The following SLC35B3 variants were observed in gnomAD, a reference collection of about 807,000 sequenced individuals.
SLC35B3 encodes solute carrier family 35 member B3, also known as adenosine 3'-phospho 5'-phosphosulfate transporter 2.
In SLC35B3, 35 loss-of-function variants were observed where a neutral mutation model predicts 44.1. That is an observed-to-expected ratio of 0.79 (90% CI 0.61 to 1.05). SLC35B3 has a LOEUF of 1.05. Ranked by LOEUF, SLC35B3 falls within the 50% of genes least tolerant of loss-of-function variation. SLC35B3 has a pLI of 0.00. For synonymous variants in SLC35B3, 146 were observed against 167.3 expected, an observed-to-expected ratio of 0.87 and a Z score of 0.98; for missense variants, 414 against 476.4, an observed-to-expected ratio of 0.87 and a Z score of 1.22.
Position 8,422,486 on chromosome 6 carries a change from T to G in SLC35B3, c.558A>C (p.Gly186=). 2 of 1,613,058 alleles carry G rather than the reference T, an allele frequency of 1.2e-6. No individual in the cohort carries two copies. Among genetic ancestry groups the G allele is most frequent in the Non-Finnish European group, 1.7e-6 (2 of 1,179,312 alleles). ...TTACTATACCTTGAATAAAAACTCCTCCTAGCATAACAGGAATCAATTTGC... is the reference window on the plus strand; with the variant it reads ...TTACTATACCTTGAATAAAAACTCCGCCTAGCATAACAGGAATCAATTTGC... Residue 186 remains glycine, a synonymous_variant, in exon 5 of 11, where the codon GGA becomes GGC. Transcript: ENST00000644923.
rs1764255649 is a variant in SLC35B3 at position 8,434,131 on chromosome 6, G to T, written c.3+254C>A. On this transcript the variant is annotated intron_variant, in intron 2 of 10. Coordinates refer to ENST00000644923, the MANE Select transcript of SLC35B3 (RefSeq NM_001370476.2). The surrounding 1 kb of genome is among the most constrained non-coding windows in gnomAD (Gnocchi z 6.3). Reference sequence around the variant, plus strand: ...ATATTCAACTTCAACTGCTAAAATGGAATAAAAAGGTAGCATTTCCGGCAT... The same window carrying T: ...ATATTCAACTTCAACTGCTAAAATGTAATAAAAAGGTAGCATTTCCGGCAT... Among the ~76,000 whole-genome samples the T allele has an allele frequency of 6.6e-6, 1 of 151,468 alleles. No individual in the cohort carries two copies. Among genetic ancestry groups the T allele is most frequent in the Non-Finnish European group, 1.5e-5 (1 of 67,938 alleles).
chr6:8,427,116 C>T lies in SLC35B3; in HGVS notation c.419+821G>A, dbSNP rs1452739194. On this transcript the variant is annotated intron_variant, in intron 4 of 10. Transcript: ENST00000644923. ...CTGTTGAAAGCATTCCATTTTAAAA[C>T]GGAAACAGAGGAAAACGGTTCAGAA... 3.3e-5 allele frequency among the ~76,000 whole-genome samples: 5 copies of T among 152,086 alleles called. 1 individual carries two copies. Among genetic ancestry groups the T allele is most frequent in the Admixed American group, 1.3e-4 (2 of 15,260 alleles).
At position 8,422,730 on chromosome 6, in the gene SLC35B3, G is replaced by A. The variant is rs566643747; in HGVS notation, c.420-106C>T. On this transcript the variant is annotated intron_variant, in intron 4 of 10. Coordinates refer to ENST00000644923, the MANE Select transcript of SLC35B3 (RefSeq NM_001370476.2). ...TGTCTAATTACTTTTCTAATTTCTGGTTACTATTTCTGGAAATATCAGTAA... is the reference window on the plus strand; with the variant it reads ...TGTCTAATTACTTTTCTAATTTCTGATTACTATTTCTGGAAATATCAGTAA... 5.4e-5 allele frequency: 47 copies of A among 864,260 alleles called. No homozygotes were observed. In the Admixed American group the frequency reaches 1.2e-3, roughly 22 times the overall value. 53.5% of individuals were successfully genotyped at this position (864,260 alleles called of 1,614,324 possible).
Position 8,419,688 on chromosome 6 carries a change from G to A in SLC35B3, c.683-11C>T. The A allele has an allele frequency of 7.0e-7, 1 of 1,423,296 alleles. No individual in the cohort carries two copies. 88.2% of individuals were successfully genotyped at this position (1,423,296 alleles called of 1,614,324 possible). On this transcript the variant is annotated splice_polypyrimidine_tract_variant and intron_variant, in intron 6 of 10. Transcript: ENST00000644923. The surrounding 1 kb of genome is among the most constrained non-coding windows in gnomAD (Gnocchi z 4.3). ...AAATAAGCACCACACCTTCAAGAAG[G>A]TATTAAAAAAACAAACAAAAAAACC... is the stretch of plus-strand genomic sequence containing the variant.
At chr6:8,427,009 G>C (rs1414924580) in intron 4 of SLC35B3, among the ~76,000 whole-genome samples, 4 of 152,206 alleles carry the variant, frequency 2.6e-5, no homozygotes, top group African/African-American at 9.7e-5. Context: ...CTGCCCTAGA[G>C]ATCTATGGAA....
Position 8,413,422 on chromosome 6 carries a change from T to C in SLC35B3, c.*127A>G. The C allele has an allele frequency of 1.3e-6, 1 of 792,816 alleles. No individual in the cohort carries two copies. The highest frequency in any genetic ancestry group is 1.9e-6 in the Non-Finnish European group (1 of 528,128). 49.1% of individuals were successfully genotyped at this position (792,816 alleles called of 1,614,324 possible). On this transcript the variant is annotated 3_prime_UTR_variant, in exon 11 of 11. Transcript: ENST00000644923. ...AGGCTGACACCGCAAAACAACTTCATATGAAATCTGTCCACAAATGGGATA... is the reference window on the plus strand; with the variant it reads ...AGGCTGACACCGCAAAACAACTTCACATGAAATCTGTCCACAAATGGGATA...
chr6:8,427,414 G>C (rs1191597009), intron 4 of SLC35B3, among the ~76,000 whole-genome samples: 1 of 152,214 alleles, frequency 6.6e-6, no homozygotes. Context: ...AGCTGTCCCA[G>C]AGCTGGTCAT....
intron 3 of SLC35B3, 124 bp downstream of exon 2, chr6:8,429,740 A>G (rs932091992): frequency 1.5e-6 from 1 of 685,406 alleles, no homozygotes; most frequent in African/African-American, 1.8e-5. Context: ...CTATACTAAA[A>G]AATTCAAATT....
Position 8,420,805 on chromosome 6 carries a change from C to A in SLC35B3, c.598G>T (p.Val200Leu). 6.2e-7 allele frequency: 1 copy of A among 1,612,058 alleles called. No homozygotes were observed. Among genetic ancestry groups the A allele is most frequent in the Non-Finnish European group, 8.5e-7 (1 of 1,178,508 alleles). Residue 200 changes from valine to leucine, a missense_variant, in exon 6 of 11, where the codon GTG becomes TTG. Physicochemically the swap from Val to Leu is conservative, Grantham distance 32. Transcript: ENST00000644923. This position sits in a 1 kb window ranked among gnomAD's most constrained non-coding sequence, Gnocchi z 4.4. Reference sequence around the variant, plus strand: ...AGGCTCATACATATGGCAGCAGACACATCTGCAACATTATAACGCTTTCCT... The same window carrying A: ...AGGCTCATACATATGGCAGCAGACAAATCTGCAACATTATAACGCTTTCCT...
rs1376321341 is a variant in SLC35B3, at chr6:8,435,459, C to T, written c.-160G>A. The T allele has an allele frequency of 2.6e-6, 3 of 1,171,194 alleles. No individual in the cohort carries two copies. The highest frequency in any genetic ancestry group is 3.1e-5 in the African/African-American group (2 of 63,504). 72.6% of individuals were successfully genotyped at this position (1,171,194 alleles called of 1,614,324 possible). On this transcript the variant is annotated 5_prime_UTR_variant, in exon 1 of 11. Coordinates refer to ENST00000644923, the MANE Select transcript of SLC35B3 (RefSeq NM_001370476.2). This position sits in a 1 kb window ranked among gnomAD's most constrained non-coding sequence, Gnocchi z 5.5. ...ATCACCTCCTCTTCCTCCTCCTCCTCGCCCACTCCTGCACTTTCCACCGCG... is the reference window on the plus strand; with the variant it reads ...ATCACCTCCTCTTCCTCCTCCTCCTTGCCCACTCCTGCACTTTCCACCGCG...
At chr6:8,431,663 T>C (rs1021394590) in intron 2 of SLC35B3, among the ~76,000 whole-genome samples, 1 of 152,240 alleles carries the variant, frequency 6.6e-6, no homozygotes, top group Non-Finnish European at 1.5e-5. Context: ...TGTAAGACTT[T>C]TTATGTAATC....
chr6:8,428,573 T>C (rs539292987), intron 3 of SLC35B3, among the ~76,000 whole-genome samples: 1 of 152,294 alleles, frequency 6.6e-6, no homozygotes, highest in South Asian at 2.1e-4. Context: ...GGTTAAGTTA[T>C]AAATACAATT....
chr6:8,434,649 C>G lies in SLC35B3; in HGVS notation c.-43-219G>C, dbSNP rs1764313643. On this transcript the variant is annotated intron_variant, in intron 1 of 10. Transcript: ENST00000644923. This position sits in a 1 kb window ranked among gnomAD's most constrained non-coding sequence, Gnocchi z 6.3. The stretch of plus-strand genomic sequence containing the variant: ...TGAAATGCTGCCTCTCTTCCAAGTT[C>G]CAAACTATCTCAATTCACTTAGAAA... Among the ~76,000 whole-genome samples the G allele has an allele frequency of 6.6e-6, 1 of 152,176 alleles. No individual in the cohort carries two copies. The highest frequency in any genetic ancestry group is 1.5e-5 in the Non-Finnish European group (1 of 67,996).
rs1357633212 is a variant in SLC35B3 at position 8,432,475 on chromosome 6, T to C, written c.3+1910A>G. On this transcript the variant is annotated intron_variant, in intron 2 of 10. Transcript: ENST00000644923. The surrounding 1 kb of genome is among the most constrained non-coding windows in gnomAD (Gnocchi z 4.8). ...TAGTAAACTGCCAAGCATATTGTAA[T>C]GACTCAATACAATTATAGGTAATAG... Among the ~76,000 whole-genome samples the C allele has an allele frequency of 6.6e-6, 1 of 152,116 alleles. No homozygotes were observed. Among genetic ancestry groups the C allele is most frequent in the Non-Finnish European group, 1.5e-5 (1 of 68,022 alleles).
Position 8,419,678 on chromosome 6 carries a change from C to A in SLC35B3, c.683-1G>T. ...AGTGCCAGGGAAATAAGCACCACAC[C>A]TTCAAGAAGGTATTAAAAAAACAAA... On this transcript the variant is annotated splice_acceptor_variant, in intron 6 of 10. Transcript: ENST00000644923. LOFTEE classifies it high-confidence loss of function. This position sits in a 1 kb window ranked among gnomAD's most constrained non-coding sequence, Gnocchi z 4.3. 6.8e-7 allele frequency: 1 copy of A among 1,478,296 alleles called. No homozygotes were observed. 91.6% of individuals were successfully genotyped at this position (1,478,296 alleles called of 1,614,324 possible).
At position 8,420,895 on chromosome 6, in the gene SLC35B3, G is replaced by T; in HGVS notation, c.575-67C>A. 3.3e-6 allele frequency: 4 copies of T among 1,213,024 alleles called. No individual in the cohort carries two copies. The highest frequency in any genetic ancestry group is 4.7e-6 in the Non-Finnish European group (4 of 848,604). The allele number at this position is 1,213,024 out of a possible 1,614,324, so 75.1% of individuals were successfully genotyped here. A position where few individuals can be genotyped will look rare whatever the true frequency, so the allele number is the denominator to read the frequency against. ...CCACCCAGCTTTATATTTGCTCTAT[G>T]TGTTAAGTAGAACATGGATTTGTTT... is the stretch of plus-strand genomic sequence containing the variant. On this transcript the variant is annotated intron_variant, in intron 5 of 10. Coordinates refer to ENST00000644923, the MANE Select transcript of SLC35B3 (RefSeq NM_001370476.2). This position sits in a 1 kb window ranked among gnomAD's most constrained non-coding sequence, Gnocchi z 4.4.
Position 8,414,946 on chromosome 6 carries a change from T to G in SLC35B3, c.1017A>C (p.Val339=), listed in dbSNP as rs140643759. Reference sequence around the variant, plus strand: ...GTTTAGCAAAGAATATAAACGAAAGTACAATGGTCATTGCTTTTCTTCCTG... The same window carrying G: ...GTTTAGCAAAGAATATAAACGAAAGGACAATGGTCATTGCTTTTCTTCCTG... Residue 339 remains valine, a synonymous_variant, in exon 10 of 11, where the codon GTA becomes GTC. Transcript: ENST00000644923. 21 of 1,606,228 alleles carry G rather than the reference T, an allele frequency of 1.3e-5. No individual in the cohort carries two copies. The African/African-American group carries it at 2.5e-4, about 19-fold the overall frequency.
At chr6:8,435,565 GACGCGT>G, upstream of SLC35B3, 1 of 390,362 alleles carries the variant, frequency 2.6e-6, no homozygotes, top group Non-Finnish European at 4.8e-6. The surrounding 1 kb of genome is among the most constrained non-coding windows in gnomAD (Gnocchi z 5.5). Context: ...CGCGTGCGCA[GACGCGT>G]GGCCCCGCCT....
At chr6:8,428,583 T>C (rs1327714510) in intron 3 of SLC35B3, among the ~76,000 whole-genome samples, 1 of 152,156 alleles carries the variant, frequency 6.6e-6, no homozygotes, top group Non-Finnish European at 1.5e-5. Flanking sequence ...TAAATACAAT[T>C]AGCAGGGGTT....
Sources: allele counts gnomAD v4.1 joint callset (sites outside exome capture counted in the v4.1 genomes callset), GRCh38; gene constraint gnomAD v4.1.1; non-coding constraint Gnocchi (gnomAD v3.1); transcripts MANE v1.5; gene names NCBI Gene and HGNC (gene_info 2026-07-23, HGNC 2026-07-21).